The following FSTL4 variants were observed in gnomAD, a reference collection of about 807,000 sequenced individuals.
FSTL4 encodes follistatin like 4.
FSTL4 carries 28 observed loss-of-function variants against 78.2 expected under a neutral mutation model. That is an observed-to-expected ratio of 0.36 (90% CI 0.27 to 0.49). The LOEUF (loss-of-function observed/expected upper bound fraction) is 0.49, where lower values mean the gene tolerates loss of function less well. FSTL4 is among the 20% of genes least tolerant of loss of function. The pLI is 0.98. For synonymous variants in FSTL4, 422 were observed against 440.5 expected (o/e 0.96, Z 0.53); for missense variants, 922 against 1,084.9 (o/e 0.85, Z 2.11).
the FSTL4 span, among the ~76,000 whole-genome samples, chr5:133,820,939 T>C: frequency 6.6e-6 from 1 of 152,208 alleles, no homozygotes; most frequent in Non-Finnish European, 1.5e-5. Flanking sequence ...GCTGCTATTT[T>C]CAGAAAAGGG....
chr5:133,713,027 A>C, the FSTL4 span, among the ~76,000 whole-genome samples: 1 of 152,208 alleles, frequency 6.6e-6, no homozygotes, highest in Non-Finnish European at 1.5e-5. Flanking sequence ...CAACATTTCA[A>C]TCAATATTTT....
At chr5:133,655,446 C>A in the FSTL4 span, among the ~76,000 whole-genome samples, 1 of 152,188 alleles carries the variant, frequency 6.6e-6, no homozygotes, top group Non-Finnish European at 1.5e-5. Flanking sequence ...AAATTGCCAT[C>A]TTATTGGGCA....
the FSTL4 span, among the ~76,000 whole-genome samples, chr5:133,638,726 TG>T: frequency 6.6e-6 from 1 of 152,204 alleles, no homozygotes; most frequent in Non-Finnish European, 1.5e-5. Flanking sequence ...TTATTTCTTT[TG>T]TTTTTTTTCT....
At chr5:133,673,436 C>A in the FSTL4 span, among the ~76,000 whole-genome samples, 1 of 152,126 alleles carries the variant, frequency 6.6e-6, no homozygotes, top group Non-Finnish European at 1.5e-5. Flanking sequence ...TGCTCACTGC[C>A]GGATATTCCT....
At chr5:133,814,508 G>A in the FSTL4 span, among the ~76,000 whole-genome samples, 1 of 152,108 alleles carries the variant, frequency 6.6e-6, no homozygotes, top group African/African-American at 2.4e-5. Context: ...ATAAGATGAT[G>A]GAGAAAAACA....
At chr5:133,285,798 G>A (rs551017951) in intron 6 of FSTL4, among the ~76,000 whole-genome samples, 26 of 152,318 alleles carry the variant, frequency 1.7e-4, no homozygotes, top group Admixed American at 5.2e-4. Flanking sequence ...CACCTGGCCC[G>A]GTTTGGTGAT....
the FSTL4 span, among the ~76,000 whole-genome samples, chr5:133,738,136 A>G: frequency 6.6e-6 from 1 of 152,084 alleles, no homozygotes; most frequent in Non-Finnish European, 1.5e-5. Flanking sequence ...CCACCAAGCC[A>G]GATGTAAAGA....
chr5:133,320,076 C>T (rs996611419), intron 4 of FSTL4, among the ~76,000 whole-genome samples: 3 of 152,112 alleles, frequency 2.0e-5, no homozygotes, highest in Non-Finnish European at 4.4e-5. Context: ...TGGCTCCCTG[C>T]CTTCACTCCC....
chr5:133,249,009 A>C (rs2126821898), intron 7 of FSTL4, among the ~76,000 whole-genome samples: 1 of 152,156 alleles, frequency 6.6e-6, no homozygotes, highest in African/African-American at 2.4e-5. Flanking sequence ...ACCTCCTCCT[A>C]AGGTCCCCCA....
intron 6 of FSTL4, among the ~76,000 whole-genome samples, chr5:133,294,866 C>T (rs1046854553): frequency 6.6e-6 from 1 of 152,174 alleles, no homozygotes; most frequent in South Asian, 2.1e-4. Flanking sequence ...ATTTAAATCA[C>T]TGGAATGATA....
chr5:133,302,018 C>T (rs1022834051), intron 6 of FSTL4, among the ~76,000 whole-genome samples: 2 of 152,030 alleles, frequency 1.3e-5, no homozygotes, highest in East Asian at 3.9e-4. Context: ...GAACAAAACT[C>T]TTCTGCTTGT....
chr5:133,797,892 T>C, the FSTL4 span, among the ~76,000 whole-genome samples: 3 of 152,204 alleles, frequency 2.0e-5, no homozygotes, highest in African/African-American at 7.2e-5. Flanking sequence ...GCTTCAAGTC[T>C]CAAGTCAGTC....
chr5:133,485,383 A>C (rs1040543609), intron 3 of FSTL4, among the ~76,000 whole-genome samples: 28 of 152,350 alleles, frequency 1.8e-4, no homozygotes, highest in African/African-American at 6.7e-4. Context: ...CTTCCCATGC[A>C]GGCAGACCTT....
chr5:133,459,765 A>C (rs55962865), intron 3 of FSTL4, among the ~76,000 whole-genome samples: 42,398 of 151,910 alleles, frequency 0.28, 6,321 homozygotes, highest in East Asian at 0.46. Flanking sequence ...GGCTTTGGGA[A>C]GTGAAATGCT....
At chr5:133,475,575 T>C (rs372107180) in intron 3 of FSTL4, among the ~76,000 whole-genome samples, 32 of 152,376 alleles carry the variant, frequency 2.1e-4, no homozygotes, top group African/African-American at 7.5e-4. Context: ...CTATGAAATA[T>C]TTAGCACTTA....
intron 3 of FSTL4, among the ~76,000 whole-genome samples, chr5:133,530,006 T>C (rs1759218188): frequency 6.6e-6 from 1 of 152,178 alleles, no homozygotes; most frequent in Non-Finnish European, 1.5e-5. Context: ...TTTTGGAGTG[T>C]GACACCCAAT....
chr5:133,224,343 G>C, intron 10 of FSTL4, 127 bp from the exon 11 acceptor site: 1 of 695,622 alleles, frequency 1.4e-6, no homozygotes, highest in South Asian at 1.8e-5. Context: ...ATCACTTACA[G>C]AATCTATACC....
the FSTL4 span, among the ~76,000 whole-genome samples, chr5:133,701,511 C>CCCCCCA: frequency 1.3e-4 from 8 of 63,516 alleles, no homozygotes; most frequent in Non-Finnish European, 2.8e-4. Context: ...ACACACACAC[C>CCCCCCA]CCACAGGCCA....
intron 3 of FSTL4, among the ~76,000 whole-genome samples, chr5:133,500,582 T>TG (rs1167839463): frequency 1.3e-5 from 2 of 152,112 alleles, no homozygotes; most frequent in Non-Finnish European, 2.9e-5. Flanking sequence ...CATGTCATCT[T>TG]GGGGGTACAA....
Sources: allele counts gnomAD v4.1 joint callset (sites outside exome capture counted in the v4.1 genomes callset), GRCh38; gene constraint gnomAD v4.1.1; transcripts MANE v1.5; gene names NCBI Gene and HGNC (gene_info 2026-07-23, HGNC 2026-07-21).